The following NAA11 variants were observed in gnomAD, a reference collection of about 807,000 sequenced individuals.
NAA11 encodes N-alpha-acetyltransferase 11, NatA catalytic subunit.
Under a neutral mutation model 16.1 loss-of-function variants are expected in NAA11, and 15 were observed. The observed-to-expected ratio is 0.93, with a 90% CI of 0.62 to 1.44. The LOEUF (loss-of-function observed/expected upper bound fraction) is 1.44. Among genes scored for constraint, NAA11 ranks in the 40% most tolerant of loss-of-function variants. The probability of loss-of-function intolerance (pLI) is 0.00; values close to 1 mark genes in which losing one functional copy is unlikely to be tolerated. For missense variants in NAA11, 298 were observed against 291.3 expected, an observed-to-expected ratio of 1.02 and a Z score of -0.17; for synonymous variants, 122 against 112.4, an observed-to-expected ratio of 1.09 and a Z score of -0.54.
At chr4:79,317,818 T>C (rs1321616158) in intron 1 of NAA11, 27 bp from the exon 2 acceptor site, 3 of 152,052 alleles carry the variant, frequency 2.0e-5, no homozygotes, top group African/African-American at 7.3e-5. Flanking sequence ...AGAAAACAAA[T>C]GAGAAAGGGA....
At chr4:79,177,987 T>G in the NAA11 span, among the ~76,000 whole-genome samples, 1 of 152,204 alleles carries the variant, frequency 6.6e-6, no homozygotes, top group African/African-American at 2.4e-5. Flanking sequence ...TTCTCATAGC[T>G]GTTCTCAGAT....
At chr4:79,218,149 A>C in the NAA11 span, among the ~76,000 whole-genome samples, 17 of 152,268 alleles carry the variant, frequency 1.1e-4, no homozygotes, top group Admixed American at 5.9e-4. Context: ...AAGATAGGTC[A>C]AACAGTTACT....
At chr4:79,182,987 A>G in the NAA11 span, among the ~76,000 whole-genome samples, 1 of 152,154 alleles carries the variant, frequency 6.6e-6, no homozygotes, top group African/African-American at 2.4e-5. Flanking sequence ...ATTCTGAGAT[A>G]TCTTTACAGG....
intron 2 of NAA11, among the ~76,000 whole-genome samples, chr4:79,240,771 T>C (rs1721674075): frequency 6.6e-6 from 1 of 152,098 alleles, no homozygotes; most frequent in Non-Finnish European, 1.5e-5. Flanking sequence ...TGGGCTGCTG[T>C]TACACAATGG....
At chr4:79,287,780 G>A (rs992513797) in intron 2 of NAA11, among the ~76,000 whole-genome samples, 3 of 152,106 alleles carry the variant, frequency 2.0e-5, no homozygotes, top group African/African-American at 7.2e-5. Flanking sequence ...TATTTTAACT[G>A]TTGGATAGCT....
At position 79,274,852 on chromosome 4, in the gene NAA11, A is replaced by G. The variant is rs553556512; in HGVS notation, c.*122+19153T>C. On this transcript the variant is annotated intron_variant and NMD_transcript_variant, in intron 2 of 2. Transcript: ENST00000511542. ...TCACATAGGGATCACAACTTAGTGT[A>G]ATATTCATAAAAGTATCTAATCTAC... is the stretch of plus-strand genomic sequence containing the variant. 3.3e-5 allele frequency among the ~76,000 whole-genome samples: 5 copies of G among 152,224 alleles called. No homozygotes were observed. The South Asian group carries it at 6.2e-4, about 19-fold the overall frequency.
intron 2 of NAA11, among the ~76,000 whole-genome samples, chr4:79,258,391 C>CGCTGTCTGCCTTCTCCCT (rs1722170747): frequency 2.0e-5 from 3 of 152,262 alleles, no homozygotes; most frequent in Admixed American, 2.0e-4. Context: ...TGCCTGCTCC[C>CGCTGTCTGCCTTCTCCCT]GCTGTCTGCC....
the NAA11 span, among the ~76,000 whole-genome samples, chr4:79,167,931 T>C: frequency 1.3e-5 from 2 of 152,248 alleles, no homozygotes; most frequent in South Asian, 4.2e-4. Context: ...TGCAGGTTTG[T>C]TACATAGGTG....
the NAA11 span, among the ~76,000 whole-genome samples, chr4:79,167,270 T>TATATAG: frequency 5.8e-3 from 570 of 98,452 alleles, no homozygotes; most frequent in African/African-American, 9.1e-3. Context: ...TATATATATA[T>TATATAG]AGAGAGAGAG....
At chr4:79,174,351 C>T in the NAA11 span, among the ~76,000 whole-genome samples, 1 of 151,962 alleles carries the variant, frequency 6.6e-6, no homozygotes, top group Non-Finnish European at 1.5e-5. Flanking sequence ...AAGATGAGAG[C>T]AAAGTGAGAG....
At chr4:79,157,470 C>A in the NAA11 span, among the ~76,000 whole-genome samples, 1 of 151,558 alleles carries the variant, frequency 6.6e-6, no homozygotes, top group Admixed American at 6.6e-5. Context: ...CCATCATATA[C>A]ATATGATGGA....
chr4:79,304,187 C>G (rs958513197), intron 1 of NAA11, among the ~76,000 whole-genome samples: 4 of 152,088 alleles, frequency 2.6e-5, no homozygotes, highest in Non-Finnish European at 5.9e-5. Context: ...TTATCATGAA[C>G]CTCAGCATCT....
At chr4:79,185,604 C>CT in the NAA11 span, among the ~76,000 whole-genome samples, 2 of 152,166 alleles carry the variant, frequency 1.3e-5, no homozygotes, top group Admixed American at 1.3e-4. Context: ...CATGTTACTT[C>CT]TTTAAAAAGC....
At chr4:79,258,026 T>G (rs963190077) in intron 2 of NAA11, among the ~76,000 whole-genome samples, 1 of 152,226 alleles carries the variant, frequency 6.6e-6, no homozygotes, top group Non-Finnish European at 1.5e-5. Context: ...GCTACTGCCA[T>G]TATGCCAGCT....
chr4:79,193,238 T>A, the NAA11 span, among the ~76,000 whole-genome samples: 694 of 152,192 alleles, frequency 4.6e-3, 2 homozygotes, highest in Middle Eastern at 0.034. Flanking sequence ...ATGAGATCCC[T>A]TTTGTCAATT....
intron 2 of NAA11, among the ~76,000 whole-genome samples, chr4:79,248,600 A>G (rs1721900976): frequency 6.6e-6 from 1 of 152,108 alleles, no homozygotes; most frequent in South Asian, 2.1e-4. Flanking sequence ...CTACCCCTGC[A>G]TTGATACCAC....
the NAA11 span, among the ~76,000 whole-genome samples, chr4:79,162,875 G>A: frequency 6.6e-6 from 1 of 152,082 alleles, no homozygotes; most frequent in African/African-American, 2.4e-5. Flanking sequence ...TATAGGAAAG[G>A]GAAAGATAAA....
rs147801407 is a variant in NAA11, at chr4:79,293,155, C to G, written c.*122+850G>C. On this transcript the variant is annotated intron_variant and NMD_transcript_variant, in intron 2 of 2. Transcript: ENST00000511542. ...TGTTTTGCATGCCCTCTGTTGACTT[C>G]TTGCTAAATCGTGATTACTAAAGTA... Among the ~76,000 whole-genome samples the G allele has an allele frequency of 3.7e-4, 57 of 152,188 alleles. 1 individual carries two copies. In the East Asian group the frequency reaches 0.01, roughly 27 times the overall value.
chr4:79,251,349 T>A (rs1009079196), intron 2 of NAA11, among the ~76,000 whole-genome samples: 22 of 152,176 alleles, frequency 1.4e-4, no homozygotes, highest in Admixed American at 3.9e-4. Flanking sequence ...ACTGGGGCCA[T>A]TAGCCCAAGC....
Sources: gnomAD v4.1 joint callset for allele counts (sites outside exome capture counted in the v4.1 genomes callset) on GRCh38, gnomAD v4.1.1 for gene constraint, MANE v1.5 for transcripts, NCBI Gene and HGNC (gene_info 2026-07-23, HGNC 2026-07-21) for gene names.